The following PTPRT variants were observed in gnomAD, a reference collection of about 807,000 sequenced individuals.
PTPRT encodes the protein receptor-type tyrosine-protein phosphatase T.
A neutral mutation model predicts 176.8 loss-of-function variants in PTPRT; 56 were observed. The observed-to-expected ratio is 0.32, with a 90% CI of 0.26 to 0.40. PTPRT has a LOEUF of 0.40. PTPRT is among the 10% of genes least tolerant of loss of function. The pLI, the probability that PTPRT is intolerant of heterozygous loss-of-function variation, is 1.00. For synonymous variants in PTPRT, 783 were observed against 739.0 expected, an observed-to-expected ratio of 1.06 and a Z score of -0.96; for missense variants, 1,540 against 1,908.2, an observed-to-expected ratio of 0.81 and a Z score of 3.60.
At chr20:42,278,984 C>T (rs1187491774) in intron 13 of PTPRT, among the ~76,000 whole-genome samples, 2 of 152,088 alleles carry the variant, frequency 1.3e-5, no homozygotes, top group East Asian at 3.9e-4. Context: ...TGCTCACTTG[C>T]CCTTTCTAAC....
chr20:42,118,233 G>A (rs1017175374), intron 21 of PTPRT, among the ~76,000 whole-genome samples, 170 bp downstream of exon 21: 3 of 152,190 alleles, frequency 2.0e-5, no homozygotes, highest in Admixed American at 1.3e-4. Flanking sequence ...GGGATTTGAA[G>A]GGAAAGGACA....
intron 7 of PTPRT, among the ~76,000 whole-genome samples, chr20:42,560,590 G>A (rs1316641648): frequency 1.3e-5 from 2 of 152,064 alleles, no homozygotes; most frequent in African/African-American, 2.4e-5. Flanking sequence ...CTCTATAGAC[G>A]GCCCTTTCAT....
At chr20:42,263,728 T>C (rs1374979053) in intron 13 of PTPRT, among the ~76,000 whole-genome samples, 2 of 151,458 alleles carry the variant, frequency 1.3e-5, no homozygotes, top group Non-Finnish European at 2.9e-5. Context: ...TCTCACTATA[T>C]TGCCTAGGCT....
intron 7 of PTPRT, among the ~76,000 whole-genome samples, chr20:42,553,996 C>A (rs1203874431): frequency 1.3e-5 from 2 of 151,984 alleles, no homozygotes; most frequent in African/African-American, 4.8e-5. Flanking sequence ...TCACCAAGGC[C>A]GCAGAAAGTG....
chr20:42,490,927 T>C (rs1488385610), intron 7 of PTPRT, among the ~76,000 whole-genome samples: 1 of 152,182 alleles, frequency 6.6e-6, no homozygotes, highest in East Asian at 1.9e-4. Context: ...TATCACCTAT[T>C]CACTCATTTA....
At chr20:42,646,386 C>T (rs2074900444) in intron 7 of PTPRT, among the ~76,000 whole-genome samples, 1 of 151,818 alleles carries the variant, frequency 6.6e-6, no homozygotes, top group South Asian at 2.1e-4. Context: ...TTGAATTGTC[C>T]ATGGCTGCTT....
At chr20:42,766,229 G>T (rs746771562) in intron 5 of PTPRT, among the ~76,000 whole-genome samples, 1 of 152,190 alleles carries the variant, frequency 6.6e-6, no homozygotes, top group Non-Finnish European at 1.5e-5. Context: ...TGCTTGCAAA[G>T]TTACATGTCT....
chr20:43,074,109 T>C (rs1568768937), intron 1 of PTPRT, among the ~76,000 whole-genome samples: 1 of 152,084 alleles, frequency 6.6e-6, no homozygotes, highest in East Asian at 1.9e-4. Flanking sequence ...ATAAATGTTA[T>C]GGGCCGAGTG....
chr20:42,232,215 A>G (rs1165774645), intron 15 of PTPRT, among the ~76,000 whole-genome samples: 1 of 152,176 alleles, frequency 6.6e-6, no homozygotes, highest in African/African-American at 2.4e-5. Flanking sequence ...TGGTGAGCCA[A>G]AGTGTGTTGA....
At chr20:42,512,189 A>AT (rs755547330) in intron 7 of PTPRT, among the ~76,000 whole-genome samples, 6 of 152,188 alleles carry the variant, frequency 3.9e-5, no homozygotes, top group Non-Finnish European at 8.8e-5. Context: ...TTTAATACAT[A>AT]TATAGATTTC....
chr20:43,094,980 CA>C (rs968591741), intron 1 of PTPRT, among the ~76,000 whole-genome samples: 1 of 152,038 alleles, frequency 6.6e-6, no homozygotes, highest in East Asian at 1.9e-4. Flanking sequence ...ATCAGGTGTT[CA>C]GGGGGAAAGG....
At chr20:42,725,042 T>C (rs1331585700) in intron 6 of PTPRT, among the ~76,000 whole-genome samples, 1 of 149,432 alleles carries the variant, frequency 6.7e-6, no homozygotes, top group African/African-American at 2.5e-5. Context: ...TGTGTGTGTG[T>C]TTGAGACTGA....
At chr20:42,756,732 G>C (rs1174715907) in intron 5 of PTPRT, 96 bp from the exon 6 acceptor site, 1 of 1,115,296 alleles carries the variant, frequency 9.0e-7, no homozygotes, top group African/African-American at 1.6e-5. Context: ...TCACACCCCT[G>C]GGGCTCAAGA....
intron 7 of PTPRT, among the ~76,000 whole-genome samples, chr20:42,632,563 A>G (rs913342505): frequency 8.6e-5 from 13 of 151,832 alleles, no homozygotes; most frequent in African/African-American, 3.1e-4. Context: ...TTCACTGTTA[A>G]TCTGTATTCT....
At chr20:42,248,412 T>C (rs1238618677) in intron 14 of PTPRT, among the ~76,000 whole-genome samples, 2 of 152,196 alleles carry the variant, frequency 1.3e-5, no homozygotes, top group African/African-American at 4.8e-5. Flanking sequence ...CAATTCATGA[T>C]ACGTGGAATC....
intron 13 of PTPRT, among the ~76,000 whole-genome samples, chr20:42,279,436 G>A (rs2867026): frequency 0.15 from 22,458 of 152,088 alleles, 2,084 homozygotes; most frequent in South Asian, 0.28. Context: ...AGAGACACAC[G>A]TAGAAAAGAT....
At chr20:43,068,288 A>G (rs1211969892) in intron 1 of PTPRT, among the ~76,000 whole-genome samples, 1 of 150,164 alleles carries the variant, frequency 6.7e-6, no homozygotes, top group African/African-American at 2.5e-5. Context: ...GCGGATCACG[A>G]GGTCAGGAGA....
At chr20:43,083,361 T>TACAC (rs1568774305) in intron 1 of PTPRT, among the ~76,000 whole-genome samples, 3 of 122,186 alleles carry the variant, frequency 2.5e-5, no homozygotes, top group Non-Finnish European at 5.0e-5. Flanking sequence ...TATATATATA[T>TACAC]ATATATATAC....
At chr20:43,140,525 C>T (rs1031406277) in intron 1 of PTPRT, among the ~76,000 whole-genome samples, 4 of 148,986 alleles carry the variant, frequency 2.7e-5, no homozygotes, top group Non-Finnish European at 1.5e-5. Flanking sequence ...TAAGTACATG[C>T]ATGTGTGTGC....
Sources: gnomAD v4.1 joint callset for allele counts (sites outside exome capture counted in the v4.1 genomes callset) on GRCh38, gnomAD v4.1.1 for gene constraint, MANE v1.5 for transcripts, NCBI Gene and HGNC (gene_info 2026-07-23, HGNC 2026-07-21) for gene names.